Variants in MTA3 observed in about 807,000 individuals in gnomAD.
MTA3 encodes the protein metastasis-associated protein MTA3.
Under a neutral mutation model 83.5 loss-of-function variants are expected in MTA3, and 34 were observed. The ratio of observed to expected loss-of-function variants is 0.41; its 90% CI spans 0.31 to 0.54. The LOEUF is 0.54. Ranked by LOEUF, MTA3 falls within the 20% of genes least tolerant of loss-of-function variation. The pLI is 0.33. For synonymous variants in MTA3, 303 were observed against 252.7 expected, an observed-to-expected ratio of 1.20 and a Z score of -1.89; for missense variants, 761 against 726.4, an observed-to-expected ratio of 1.05 and a Z score of -0.55.
At chr2:42,727,313 G>A (rs9653491) in intron 16 of MTA3, among the ~76,000 whole-genome samples, 81,701 of 152,108 alleles carry the variant, frequency 0.54, 22,486 homozygotes, top group Middle Eastern at 0.66. Context: ...TCTGCACAGT[G>A]CCTTGCCAGT....
intron 2 of MTA3, among the ~76,000 whole-genome samples, chr2:42,534,257 A>G (rs532367611): frequency 6.6e-5 from 10 of 152,174 alleles, no homozygotes; most frequent in Middle Eastern, 6.8e-3. Context: ...TCTCCAATAC[A>G]CTTCAGTGCC....
At chr2:42,547,146 G>A (rs964701500) in intron 2 of MTA3, among the ~76,000 whole-genome samples, 1 of 152,158 alleles carries the variant, frequency 6.6e-6, no homozygotes, top group Non-Finnish European at 1.5e-5. Flanking sequence ...GAGTCTGGAA[G>A]TCTACTGATA....
Position 42,654,227 on chromosome 2 carries a change from A to G in MTA3, c.500-1973A>G, listed in dbSNP as rs185615987. Among the ~76,000 whole-genome samples the G allele has an allele frequency of 1.1e-3, 169 of 152,316 alleles. 1 individual carries two copies. Among genetic ancestry groups the G allele is most frequent in the African/African-American group, 3.3e-3 (138 of 41,580 alleles). On this transcript the variant is annotated intron_variant, in intron 6 of 16. Coordinates refer to ENST00000405094, the MANE Select transcript of MTA3 (RefSeq NM_001330442.2). Reference sequence around the variant, plus strand: ...GAATGGGCAGGTCTTTAACCTAACAACAGTGGCCTGACTTAAGAGGCTGCA... The same window carrying G: ...GAATGGGCAGGTCTTTAACCTAACAGCAGTGGCCTGACTTAAGAGGCTGCA...
At position 42,643,042 on chromosome 2, in the gene MTA3, C is replaced by A. The variant is rs113451158; in HGVS notation, c.382-1085C>A. Among the ~76,000 whole-genome samples, 11 of 145,780 alleles carry A rather than the reference C, an allele frequency of 7.5e-5. 1 individual carries two copies. Among genetic ancestry groups the A allele is most frequent in the Admixed American group, 6.8e-4 (10 of 14,754 alleles). ...TGTCACATATTGGTGTCTCCCCCCCCCCCCTTTTTTTTTTAACAGTTTTTT... is the reference window on the plus strand; with the variant it reads ...TGTCACATATTGGTGTCTCCCCCCCACCCCTTTTTTTTTTAACAGTTTTTT... On this transcript the variant is annotated intron_variant, in intron 5 of 16. Transcript: ENST00000405094.
At chr2:42,661,857 C>CT (rs992040046) in intron 8 of MTA3, among the ~76,000 whole-genome samples, 3 of 151,966 alleles carry the variant, frequency 2.0e-5, no homozygotes. Context: ...GGTTAAAAAA[C>CT]TTTTTTTTCA....
At chr2:42,611,265 G>T (rs1452508483) in intron 4 of MTA3, among the ~76,000 whole-genome samples, 2 of 151,836 alleles carry the variant, frequency 1.3e-5, no homozygotes, top group African/African-American at 2.4e-5. Context: ...TTATAGGTGT[G>T]AGCCACTGTG....
chr2:42,627,648 C>A (rs950075612), intron 4 of MTA3, among the ~76,000 whole-genome samples: 5 of 151,902 alleles, frequency 3.3e-5, no homozygotes, highest in African/African-American at 1.2e-4. Context: ...ACTGCAACCT[C>A]CACCTCAGGA....
chr2:42,736,884 C>G (rs1668649518), intron 16 of MTA3, among the ~76,000 whole-genome samples: 1 of 152,162 alleles, frequency 6.6e-6, no homozygotes, highest in Admixed American at 6.5e-5. Flanking sequence ...AGGCAGTGGG[C>G]TTTCTTCCTG....
chr2:42,727,166 C>G (rs892921987), intron 16 of MTA3, among the ~76,000 whole-genome samples: 1 of 152,148 alleles, frequency 6.6e-6, no homozygotes, highest in African/African-American at 2.4e-5. Context: ...TCACTGTACT[C>G]TAGCCTGGGT....
rs185630003 is a variant in MTA3 at position 42,725,851 on chromosome 2, G to A, written c.1759+2816G>A. Among the ~76,000 whole-genome samples, 1,072 of 152,278 alleles carry A rather than the reference G, an allele frequency of 7.0e-3. 26 individuals are homozygous for A. The highest frequency in any genetic ancestry group is 4.9e-3 in the Non-Finnish European group (330 of 68,014). ...ACAGCAAAGGGGAAGTGTGCTTGTA[G>A]AGTCCCACCCACCCCCAGCATCATG... On this transcript the variant is annotated intron_variant, in intron 16 of 16. Transcript: ENST00000405094.
chr2:42,505,919 C>T lies in MTA3; in HGVS notation c.-141+10665C>T, dbSNP rs926496033. On this transcript the variant is annotated intron_variant, in intron 2 of 17. Coordinates refer to the MTA3 transcript ENST00000405592. The stretch of plus-strand genomic sequence containing the variant: ...GAGTAGCTGGGATTACAGGTGCCTG[C>T]CACCACGCCTGGCTAATTTTTGAAA... Among the ~76,000 whole-genome samples, 4 of 151,802 alleles carry T rather than the reference C, an allele frequency of 2.6e-5. No individual in the cohort carries two copies. The East Asian group carries it at 7.8e-4, about 30-fold the overall frequency.
At chr2:42,512,902 A>G (rs1398489074) in intron 2 of MTA3, among the ~76,000 whole-genome samples, 1 of 152,204 alleles carries the variant, frequency 6.6e-6, no homozygotes, top group East Asian at 1.9e-4. Flanking sequence ...TTTATATTCT[A>G]TATAAACATT....
At chr2:42,561,601 G>A (rs1677677894) in intron 2 of MTA3, among the ~76,000 whole-genome samples, 1 of 152,168 alleles carries the variant, frequency 6.6e-6, no homozygotes, top group African/African-American at 2.4e-5. Context: ...GGGATTACAG[G>A]CGTGAGCCAC....
intron 8 of MTA3, among the ~76,000 whole-genome samples, chr2:42,671,435 AT>A (rs1269632278): frequency 6.6e-6 from 1 of 151,904 alleles, no homozygotes; most frequent in Non-Finnish European, 1.5e-5. Flanking sequence ...AATTTTGGTA[AT>A]TAAAAAAAAG....
chr2:42,496,228 G>T (rs964244027), intron 2 of MTA3, among the ~76,000 whole-genome samples: 2 of 152,072 alleles, frequency 1.3e-5, no homozygotes, highest in African/African-American at 4.8e-5. Flanking sequence ...GTGCCTCCTA[G>T]GTATATTTTC....
intron 2 of MTA3, among the ~76,000 whole-genome samples, chr2:42,509,040 TTTG>T (rs1013157764): frequency 2.3e-4 from 35 of 151,764 alleles, no homozygotes; most frequent in African/African-American, 7.0e-4. Flanking sequence ...GTTACTTGTT[TTTG>T]TTGTTGTTGT....
At chr2:42,728,173 A>G (rs968444438) in intron 16 of MTA3, among the ~76,000 whole-genome samples, 3 of 152,128 alleles carry the variant, frequency 2.0e-5, no homozygotes, top group Non-Finnish European at 2.9e-5. Context: ...TTTTTAGTAC[A>G]AGTAAGTGAG....
At chr2:42,723,108 C>G in intron 16 of MTA3, 73 bp downstream of exon 16, 1 of 1,440,320 alleles carries the variant, frequency 6.9e-7, no homozygotes, top group Non-Finnish European at 9.4e-7. Context: ...TCTGCCACAT[C>G]CAAAAATATA....
At position 42,755,614 on chromosome 2, in the gene MTA3, T is replaced by A; in HGVS notation, c.*2215T>A. On this transcript the variant is annotated 3_prime_UTR_variant, in exon 17 of 17. Transcript: ENST00000405094. Reference sequence around the variant, plus strand: ...TTTGTCTCTGGAAACTGCCCCCTCGTTCTGACAGAATCCCCCAGGCAATGG... The same window carrying A: ...TTTGTCTCTGGAAACTGCCCCCTCGATCTGACAGAATCCCCCAGGCAATGG... 1.0e-6 allele frequency: 1 copy of A among 985,610 alleles called. No homozygotes were observed. Among genetic ancestry groups the A allele is most frequent in the Non-Finnish European group, 1.2e-6 (1 of 830,066 alleles). The allele number at this position is 985,610 out of a possible 1,614,324, so 61.1% of individuals were successfully genotyped here.
Sources: allele counts gnomAD v4.1 joint callset (sites outside exome capture counted in the v4.1 genomes callset), GRCh38; gene constraint gnomAD v4.1.1; transcripts MANE v1.5; gene names NCBI Gene and HGNC (gene_info 2026-07-23, HGNC 2026-07-21).